SAMMSON: variants seen among roughly 807,000 people sequenced by gnomAD.
SAMMSON encodes the protein survival associated mitochondrial melanoma specific oncogenic non-coding RNA.
chr3:70,390,800 G>A (rs1701038894), downstream of SAMMSON, among the ~76,000 whole-genome samples: 2 of 152,004 alleles, frequency 1.3e-5, no homozygotes, highest in African/African-American at 2.4e-5. Flanking sequence ...AAATAGTAAG[G>A]TATAAAATTT....
chr3:70,247,593 T>C (rs530107627), intron 4 of SAMMSON, among the ~76,000 whole-genome samples: 1 of 152,056 alleles, frequency 6.6e-6, no homozygotes, highest in Admixed American at 6.6e-5. Flanking sequence ...CTATTAGAAT[T>C]TTAATATATA....
chr3:70,226,181 A>T (rs1038310886), intron 4 of SAMMSON, among the ~76,000 whole-genome samples: 1 of 152,234 alleles, frequency 6.6e-6, no homozygotes, highest in Non-Finnish European at 1.5e-5. Flanking sequence ...CTCATTCGAT[A>T]AACATTTATG....
chr3:70,273,076 A>C (rs530455828), intron 6 of SAMMSON, among the ~76,000 whole-genome samples: 1 of 152,318 alleles, frequency 6.6e-6, no homozygotes, highest in South Asian at 2.1e-4. Context: ...AAGTTCAGCC[A>C]GTGACCCAAG....
intron 7 of SAMMSON, among the ~76,000 whole-genome samples, chr3:70,311,019 A>G (rs1157359312): frequency 2.6e-5 from 4 of 152,196 alleles, no homozygotes; most frequent in African/African-American, 9.6e-5. Context: ...CAGCAAAATC[A>G]TCAATAAATA....
chr3:70,010,242 T>C (rs1409905594), intron 1 of SAMMSON, among the ~76,000 whole-genome samples: 1 of 152,000 alleles, frequency 6.6e-6, no homozygotes, highest in Non-Finnish European at 1.5e-5. Context: ...CGTGGGGTGT[T>C]AAAGTCTCCC....
intron 1 of SAMMSON, among the ~76,000 whole-genome samples, chr3:70,011,373 G>A (rs2066954857): frequency 1.3e-5 from 2 of 152,024 alleles, no homozygotes; most frequent in Non-Finnish European, 2.9e-5. Context: ...TCAAAGCTTT[G>A]AAAATACCTA....
chr3:70,031,784 C>T (rs773018995), intron 3 of SAMMSON, among the ~76,000 whole-genome samples: 6 of 152,134 alleles, frequency 3.9e-5, no homozygotes, highest in Non-Finnish European at 8.8e-5. Context: ...GATGATGAGA[C>T]ATTAAAACAC....
chr3:70,215,950 T>C (rs928358843), intron 4 of SAMMSON, among the ~76,000 whole-genome samples: 2 of 152,118 alleles, frequency 1.3e-5, no homozygotes, highest in African/African-American at 4.8e-5. Context: ...CTGTCTTTTG[T>C]GGTAAAACAC....
intron 4 of SAMMSON, among the ~76,000 whole-genome samples, chr3:70,139,254 C>G (rs1035452383): frequency 1.3e-5 from 2 of 152,124 alleles, no homozygotes; most frequent in African/African-American, 2.4e-5. Flanking sequence ...CCAGGCTGGT[C>G]TTGAACTCCT....
intron 7 of SAMMSON, among the ~76,000 whole-genome samples, chr3:70,345,376 T>C (rs535939508): frequency 5.9e-5 from 9 of 152,244 alleles, no homozygotes; most frequent in Non-Finnish European, 1.3e-4. Context: ...TCAGTGTTAC[T>C]TAGATCAGAA....
intron 4 of SAMMSON, among the ~76,000 whole-genome samples, chr3:70,082,587 T>TA (rs1330536044): frequency 6.6e-6 from 1 of 152,200 alleles, no homozygotes; most frequent in Non-Finnish European, 1.5e-5. Flanking sequence ...CACATGCACT[T>TA]ACTTGCCAAT....
At chr3:70,116,659 C>G (rs2067413048) in intron 4 of SAMMSON, among the ~76,000 whole-genome samples, 1 of 152,040 alleles carries the variant, frequency 6.6e-6, no homozygotes, top group Non-Finnish European at 1.5e-5. Flanking sequence ...AATGGCCACT[C>G]TATAACTACC....
At chr3:70,130,304 T>C (rs2067478004) in intron 4 of SAMMSON, among the ~76,000 whole-genome samples, 1 of 152,146 alleles carries the variant, frequency 6.6e-6, no homozygotes, top group Non-Finnish European at 1.5e-5. Context: ...GGCGACAAGA[T>C]CATGGACTTT....
intron 2 of SAMMSON, among the ~76,000 whole-genome samples, chr3:70,418,061 G>A (rs1354219936): frequency 6.6e-6 from 1 of 152,154 alleles, no homozygotes; most frequent in East Asian, 1.9e-4. Context: ...CACCAGAGTG[G>A]CCACATTATT....
At chr3:70,310,878 TG>T (rs2106709864) in intron 7 of SAMMSON, among the ~76,000 whole-genome samples, 1 of 152,286 alleles carries the variant, frequency 6.6e-6, no homozygotes, top group East Asian at 1.9e-4. Flanking sequence ...TCACACAAAC[TG>T]GCATTGAATC....
chr3:70,312,068 G>C, intron 7 of SAMMSON: 1 of 392,526 alleles, frequency 2.5e-6, no homozygotes, highest in Non-Finnish European at 4.5e-6. Context: ...CCATATTATG[G>C]GAAAATTTTA....
At chr3:70,019,588 G>A (rs2067002003) in intron 3 of SAMMSON, among the ~76,000 whole-genome samples, 1 of 152,068 alleles carries the variant, frequency 6.6e-6, no homozygotes, top group African/African-American at 2.4e-5. Context: ...TTACAGTTAC[G>A]GTTAATATTG....
At position 70,337,147 on chromosome 3, in the gene SAMMSON, A is replaced by G. The variant is rs983061606; in HGVS notation, n.740-17028A>G. Reference sequence around the variant, plus strand: ...TAATAATATCTAACTTAATATTATTATTAATAATAATATCTAACTTAATAT... The same window carrying G: ...TAATAATATCTAACTTAATATTATTGTTAATAATAATATCTAACTTAATAT... On this transcript the variant is annotated intron_variant and non_coding_transcript_variant, in intron 7 of 9. Coordinates refer to ENST00000642114, the Ensembl canonical transcript of SAMMSON. 7.6e-4 allele frequency among the ~76,000 whole-genome samples: 52 copies of G among 68,290 alleles called. No individual in the cohort carries two copies. The Admixed American group carries it at 8.0e-3, about 11-fold the overall frequency. The allele number at this position is 68,290 out of a possible 152,430, so 44.8% of individuals were successfully genotyped here.
intron 4 of SAMMSON, chr3:70,125,980 A>G (rs1029047558): frequency 3.7e-6 from 3 of 804,886 alleles, no homozygotes; most frequent in Admixed American, 2.0e-5. Flanking sequence ...ATGCAATGGC[A>G]TATGGTCTTC....
Sources: allele counts gnomAD v4.1 joint callset (sites outside exome capture counted in the v4.1 genomes callset), GRCh38; gene constraint gnomAD v4.1.1; transcripts MANE v1.5; gene names NCBI Gene and HGNC (gene_info 2026-07-23, HGNC 2026-07-21).